FGF22: variants seen among roughly 807,000 people sequenced by gnomAD.
FGF22 encodes the protein FGF-22.
FGF22 carries 11 observed loss-of-function variants against 10.3 expected under a neutral mutation model. The observed-to-expected ratio is 1.07, with a 90% confidence interval of 0.67 to 1.77. The LOEUF is 1.77. Among genes scored for constraint, FGF22 ranks in the 40% most tolerant of loss-of-function variants. The pLI, the probability that FGF22 is intolerant of heterozygous loss-of-function variation, is 0.00. For synonymous variants in FGF22, 136 were observed against 122.1 expected (o/e 1.11, Z -0.75); for missense variants, 317 against 273.2 (o/e 1.16, Z -1.13).
exon 3 of FGF22, chr19:643,577 C>A: frequency 1.9e-6 from 3 of 1,559,880 alleles, no homozygotes; most frequent in Non-Finnish European, 2.6e-6. Context: ...ACCTGTCCGC[C>A]CACTTCCTGC....
chr19:643,244 A>G (rs1324520678), exon 2 of FGF22: 5 of 1,610,086 alleles, frequency 3.1e-6, no homozygotes, highest in African/African-American at 1.3e-5. Flanking sequence ...GGCATCCTGG[A>G]GATCCGCTCT....
In FGF22 at chr19:643,385, G is replaced by A. The variant is rs754113410; in HGVS notation, c.319-25G>A. On this transcript the variant is annotated intron_variant, in intron 2 of 2. Coordinates refer to ENST00000215530, the Ensembl canonical transcript of FGF22. ...GCGGCGCGGGCAGGGTGGGGAGGGT[G>A]GGCCGGCCTCACCCCCGCCCGCAGC... 1.9e-6 allele frequency: 3 copies of A among 1,555,376 alleles called. No individual in the cohort carries two copies. In the East Asian group the frequency reaches 6.8e-5, roughly 35 times the overall value.
exon 3 of FGF22, chr19:643,566 C>T (rs756783248): frequency 1.3e-6 from 2 of 1,573,462 alleles, no homozygotes; most frequent in African/African-American, 1.3e-5. Context: ...GCGGCGGTAC[C>T]ACCTGTCCGC....
At chr19:641,969 T>C (rs933390229) in intron 1 of FGF22, among the ~76,000 whole-genome samples, 1 of 152,118 alleles carries the variant, frequency 6.6e-6, no homozygotes, top group Non-Finnish European at 1.5e-5. Flanking sequence ...CACCCAGGGC[T>C]ACCCACAGAC....
exon 1 of FGF22, chr19:640,138 C>T: frequency 7.6e-7 from 1 of 1,315,450 alleles, no homozygotes; most frequent in Non-Finnish European, 9.7e-7. Flanking sequence ...ACGGCCAGGA[C>T]AGTGAGTGCG....
intron 1 of FGF22, among the ~76,000 whole-genome samples, chr19:642,385 C>T (rs370784555): frequency 0.32 from 4,110 of 12,974 alleles, 1,168 homozygotes; most frequent in Admixed American, 0.4. Flanking sequence ...CTGTGAGGGC[C>T]GGGCTGGGGG....
exon 2 of FGF22, chr19:643,274 T>C: frequency 6.2e-7 from 1 of 1,611,378 alleles, no homozygotes; most frequent in South Asian, 1.1e-5. Context: ...GGCGTCGTGG[T>C]CATCAAAGCA....
chr19:641,013 G>A (rs963290319), intron 1 of FGF22: 37 of 373,002 alleles, frequency 9.9e-5, no homozygotes, highest in Admixed American at 6.4e-5. Context: ...TCGGGCCGGG[G>A]CAGAGGCCTG....
chr19:643,704 C>A, exon 3 of FGF22: 1 of 1,051,734 alleles, frequency 9.5e-7, no homozygotes, highest in Non-Finnish European at 1.3e-6. Flanking sequence ...GCGCTGAGTG[C>A]CCACCGTGTG....
chr19:641,347 C>T (rs577598326), intron 1 of FGF22: 12 of 443,392 alleles, frequency 2.7e-5, no homozygotes, highest in Admixed American at 9.5e-5. Context: ...GAGGCCGAGG[C>T]GGGCAGATCA....
At chr19:640,423 C>T (rs1437325816) in intron 1 of FGF22, 1 of 300,316 alleles carries the variant, frequency 3.3e-6, no homozygotes, top group Non-Finnish European at 6.1e-6. Flanking sequence ...GAAACTGAGG[C>T]TCCAGAGGGG....
chr19:640,104 G>T (rs1480722494), exon 1 of FGF22: 1 of 1,387,724 alleles, frequency 7.2e-7, no homozygotes, highest in Non-Finnish European at 9.3e-7. Context: ...CCCGGCGGCC[G>T]CGTGCAGGGC....
chr19:641,702 CA>C (rs1985908780), intron 1 of FGF22: 2 of 181,032 alleles, frequency 1.1e-5, no homozygotes, highest in Non-Finnish European at 2.4e-5. Flanking sequence ...AGGAAGGGGC[CA>C]GGGGAGATCG....
At chr19:641,980 G>A (rs374019826) in intron 1 of FGF22, among the ~76,000 whole-genome samples, 4 of 152,288 alleles carry the variant, frequency 2.6e-5, no homozygotes, top group Non-Finnish European at 4.4e-5. Flanking sequence ...ACCCACAGAC[G>A]ATGGCGTCCA....
At chr19:640,525 G>C (rs3787003) in intron 1 of FGF22, 33,696 of 172,174 alleles carry the variant, frequency 0.2, 3,520 homozygotes, top group South Asian at 0.39. Context: ...GCCTGAGTCG[G>C]GGCCCCCTCT....
At chr19:641,078 C>T (rs996649447) in intron 1 of FGF22, 1 of 428,884 alleles carries the variant, frequency 2.3e-6, no homozygotes, top group Non-Finnish European at 4.7e-6. Context: ...TCGGTTTCCC[C>T]AGCTGGACGG....
intron 1 of FGF22, chr19:641,358 C>T (rs1211659659): frequency 8.4e-5 from 37 of 439,634 alleles, no homozygotes; most frequent in Middle Eastern, 7.1e-4. Context: ...GGGCAGATCA[C>T]GAGGTCAGGA....
chr19:643,720 G>A (rs1374019451), exon 3 of FGF22: 12 of 914,082 alleles, frequency 1.3e-5, no homozygotes, highest in Middle Eastern at 3.5e-4. Context: ...GTGTGCGGGC[G>A]CTGTGGACAC....
At chr19:641,587 A>T (rs1284131926) in intron 1 of FGF22, 2 of 242,082 alleles carry the variant, frequency 8.3e-6, no homozygotes, top group Non-Finnish European at 1.7e-5. Flanking sequence ...AAAAAAAAAA[A>T]AAAAAAGAAC....
Sources: allele counts gnomAD v4.1 joint callset (sites outside exome capture counted in the v4.1 genomes callset), GRCh38; gene constraint gnomAD v4.1.1; transcripts MANE v1.5; gene names NCBI Gene and HGNC (gene_info 2026-07-23, HGNC 2026-07-21).